Variants in ST7 observed in about 807,000 individuals in gnomAD.
ST7 encodes suppressor of tumorigenicity 7 protein.
ST7 carries 28 observed loss-of-function variants against 78.7 expected under a neutral mutation model. The observed-to-expected ratio is 0.36, with a 90% CI of 0.26 to 0.49. ST7 has a LOEUF of 0.49. Among genes scored for constraint, ST7 ranks in the 20% least tolerant of loss-of-function variants. The pLI is 0.99. For missense variants in ST7, 418 were observed against 696.0 expected (o/e 0.60, Z 4.49); for synonymous variants, 247 against 249.6 (o/e 0.99, Z 0.10).
At chr7:117,015,787 AACTT>A (rs1476209423) in intron 1 of ST7, among the ~76,000 whole-genome samples, 1 of 152,160 alleles carries the variant, frequency 6.6e-6, no homozygotes, top group African/African-American at 2.4e-5. Flanking sequence ...CCTAAATTTG[AACTT>A]TTGGGGAATG....
intron 1 of ST7, among the ~76,000 whole-genome samples, chr7:117,094,970 C>T (rs765113140): frequency 2.6e-5 from 4 of 152,222 alleles, no homozygotes; most frequent in Middle Eastern, 3.4e-3. Flanking sequence ...AAAAGGAACA[C>T]GGCACAAAGC....
intron 2 of ST7, among the ~76,000 whole-genome samples, chr7:117,116,217 C>T (rs1046604846): frequency 2.6e-5 from 4 of 152,208 alleles, no homozygotes; most frequent in Non-Finnish European, 5.9e-5. Flanking sequence ...GTTTTTAAGA[C>T]TATGAAATGC....
chr7:117,158,876 A>G (rs1041979952), intron 9 of ST7, among the ~76,000 whole-genome samples: 1 of 152,202 alleles, frequency 6.6e-6, no homozygotes, highest in African/African-American at 2.4e-5. Context: ...AATAATGTCA[A>G]ACTTGCAACT....
intron 1 of ST7, among the ~76,000 whole-genome samples, chr7:117,045,051 C>G (rs537074435): frequency 6.6e-6 from 1 of 152,172 alleles, no homozygotes; most frequent in Admixed American, 6.5e-5. Flanking sequence ...TGACACTCCA[C>G]ATGCACTGCC....
intron 1 of ST7, among the ~76,000 whole-genome samples, chr7:117,066,758 C>T (rs1798655241): frequency 7.8e-6 from 1 of 127,964 alleles, no homozygotes; most frequent in Non-Finnish European, 1.7e-5. Flanking sequence ...GAGACTGACT[C>T]CGTCTCAAAA....
intron 1 of ST7, among the ~76,000 whole-genome samples, chr7:117,027,463 A>AAAAGT (rs71148357): frequency 0.092 from 12,897 of 140,764 alleles, 753 homozygotes; most frequent in East Asian, 0.21. Context: ...AAAGTAAAGT[A>AAAAGT]AAAGTAAAGT....
At chr7:116,999,414 A>G (rs1794820530) in intron 1 of ST7, among the ~76,000 whole-genome samples, 1 of 152,196 alleles carries the variant, frequency 6.6e-6, no homozygotes, top group African/African-American at 2.4e-5. Context: ...CACAATTCCA[A>G]GGTTTAGTAA....
chr7:117,147,653 A>G (rs1031469589), intron 9 of ST7, among the ~76,000 whole-genome samples: 3 of 151,898 alleles, frequency 2.0e-5, no homozygotes, highest in African/African-American at 7.3e-5. Context: ...TCTTTTAAAA[A>G]CAATTAGGTT....
At chr7:117,088,941 A>G (rs552700837) in intron 1 of ST7, among the ~76,000 whole-genome samples, 1 of 152,376 alleles carries the variant, frequency 6.6e-6, no homozygotes, top group East Asian at 1.9e-4. Flanking sequence ...TAAGTAAGAA[A>G]AAAAGGCCAG....
At chr7:117,118,084 T>TG (rs1403883376) in intron 2 of ST7, 1 of 152,812 alleles carries the variant, frequency 6.5e-6, no homozygotes, top group East Asian at 1.9e-4. Context: ...TTTTAACATG[T>TG]GATAATTCAC....
intron 10 of ST7, among the ~76,000 whole-genome samples, chr7:117,176,967 G>C (rs909201598): frequency 2.6e-5 from 4 of 152,162 alleles, no homozygotes; most frequent in African/African-American, 9.7e-5. Context: ...AAAAGATCAT[G>C]GTTACCAGGC....
intron 9 of ST7, among the ~76,000 whole-genome samples, chr7:117,150,203 C>G (rs1720046283): frequency 6.6e-6 from 1 of 152,156 alleles, no homozygotes; most frequent in Non-Finnish European, 1.5e-5. Flanking sequence ...GACTTAAACC[C>G]AGTCTTGTTC....
intron 1 of ST7, among the ~76,000 whole-genome samples, chr7:116,997,725 C>G (rs906309493): frequency 6.6e-6 from 1 of 152,198 alleles, no homozygotes; most frequent in African/African-American, 2.4e-5. Context: ...GAGCTAGACA[C>G]AGAGTGCTGA....
intron 15 of ST7, among the ~76,000 whole-genome samples, chr7:117,227,640 G>A (rs762374445): frequency 1.3e-5 from 2 of 152,270 alleles, no homozygotes; most frequent in Non-Finnish European, 1.5e-5. Flanking sequence ...CAGTAGACTT[G>A]TTCCATATTA....
rs567051723 is a variant in ST7 at position 117,106,005 on chromosome 7, T to G, written c.234+6161T>G. 2.9e-3 allele frequency among the ~76,000 whole-genome samples: 438 copies of G among 151,898 alleles called. 3 individuals are homozygous for G. The highest frequency in any genetic ancestry group is 0.01 in the African/African-American group (421 of 41,504). ...GTTTTTGTTTTTGTTTTTGTTTTTTTTTTTGAGACGGAGTCTCGCTGTGTC... is the reference window on the plus strand; with the variant it reads ...GTTTTTGTTTTTGTTTTTGTTTTTTGTTTTGAGACGGAGTCTCGCTGTGTC... On this transcript the variant is annotated intron_variant, in intron 2 of 15. Coordinates refer to ENST00000323984, the MANE Select transcript of ST7 (RefSeq NM_001369598.1).
chr7:117,179,322 A>G (rs1808571513), intron 10 of ST7, among the ~76,000 whole-genome samples: 1 of 152,244 alleles, frequency 6.6e-6, no homozygotes, highest in African/African-American at 2.4e-5. Context: ...ACTGAGCGCC[A>G]ACTATATTTC....
intron 1 of ST7, among the ~76,000 whole-genome samples, chr7:117,048,126 TTTC>T (rs1278702720): frequency 3.9e-5 from 6 of 152,114 alleles, no homozygotes; most frequent in East Asian, 1.9e-4. Flanking sequence ...TTACAAAGGT[TTTC>T]TTCTTCATCA....
chr7:117,155,574 ATG>A (rs1407816858), intron 9 of ST7, among the ~76,000 whole-genome samples: 1 of 152,090 alleles, frequency 6.6e-6, no homozygotes, highest in Non-Finnish European at 1.5e-5. Context: ...ATTTGGACAT[ATG>A]TATCTCAACG....
At chr7:116,964,523 G>A (rs1430423434) in intron 1 of ST7, among the ~76,000 whole-genome samples, 1 of 152,148 alleles carries the variant, frequency 6.6e-6, no homozygotes, top group Non-Finnish European at 1.5e-5. Context: ...GGGTTGGGGA[G>A]CGTGTGTATG....
Sources: gnomAD v4.1 joint callset for allele counts (sites outside exome capture counted in the v4.1 genomes callset) on GRCh38, gnomAD v4.1.1 for gene constraint, MANE v1.5 for transcripts, NCBI Gene and HGNC (gene_info 2026-07-23, HGNC 2026-07-21) for gene names.